The following CELF2 variants were observed in gnomAD, a reference collection of about 807,000 sequenced individuals.
CELF2 encodes CUGBP Elav-like family member 2.
In CELF2, 8 loss-of-function variants were observed where a neutral mutation model predicts 62.6. The observed-to-expected ratio is 0.13, with a 90% CI of 0.07 to 0.23. The LOEUF (loss-of-function observed/expected upper bound fraction) is 0.23. Among genes scored for constraint, CELF2 ranks in the 10% least tolerant of loss-of-function variants. The pLI is 1.00. For synonymous variants in CELF2, 258 were observed against 250.0 expected (o/e 1.03, Z -0.30); for missense variants, 333 against 671.0 (o/e 0.50, Z 5.56).
chr10:10,838,720 G>A lies in CELF2; in HGVS notation c.53+39903G>A, dbSNP rs117393957. Among the ~76,000 whole-genome samples the A allele has an allele frequency of 8.9e-3, 1,352 of 152,234 alleles. 4 individuals carry two copies. Among genetic ancestry groups the A allele is most frequent in the Non-Finnish European group, 0.014 (921 of 68,022 alleles). On this transcript the variant is annotated intron_variant, in intron 1 of 13. Transcript: ENST00000636488. Reference sequence around the variant, plus strand: ...TATATGTCCTTTGACACATTCTCATGTGGGTTTTGTTTTGTTATATTTTGA... The same window carrying A: ...TATATGTCCTTTGACACATTCTCATATGGGTTTTGTTTTGTTATATTTTGA...
At chr10:10,501,325 T>C in the CELF2 span, among the ~76,000 whole-genome samples, 1 of 152,218 alleles carries the variant, frequency 6.6e-6, no homozygotes, top group Non-Finnish European at 1.5e-5. Context: ...GGTAGTTCTT[T>C]GTGGTTTTAA....
chr10:11,119,860 C>A (rs1450300817), intron 1 of CELF2, among the ~76,000 whole-genome samples: 1 of 113,664 alleles, frequency 8.8e-6, no homozygotes, highest in South Asian at 3.3e-4. Flanking sequence ...TGCTTGATTC[C>A]GCCTCCCCCC....
intron 2 of CELF2, among the ~76,000 whole-genome samples, chr10:11,180,174 C>T (rs796238402): frequency 2.0e-5 from 3 of 152,170 alleles, no homozygotes; most frequent in East Asian, 3.8e-4. Flanking sequence ...TTCCTGGTTT[C>T]GGTGAATCTC....
chr10:10,784,496 G>C, the CELF2 span: 2 of 152,434 alleles, frequency 1.3e-5, no homozygotes, highest in Non-Finnish European at 2.9e-5. Flanking sequence ...GAGATGGATG[G>C]GGAGCTGGAA....
chr10:11,152,326 A>G (rs944952932), intron 1 of CELF2, among the ~76,000 whole-genome samples: 3 of 152,224 alleles, frequency 2.0e-5, no homozygotes, highest in Admixed American at 6.5e-5. Context: ...AATGAGGAAT[A>G]TAAGAGCAGT....
At chr10:10,898,945 G>T (rs1017357773) in intron 1 of CELF2, among the ~76,000 whole-genome samples, 1 of 152,154 alleles carries the variant, frequency 6.6e-6, no homozygotes, top group African/African-American at 2.4e-5. Context: ...AAATCAGTAG[G>T]AAATCTCCAA....
chr10:11,213,256 C>A (rs2062405628), intron 2 of CELF2, among the ~76,000 whole-genome samples: 1 of 152,190 alleles, frequency 6.6e-6, no homozygotes, highest in Non-Finnish European at 1.5e-5. Flanking sequence ...TGTGACTACC[C>A]CTTACACCGA....
At chr10:10,682,820 C>G in the CELF2 span, among the ~76,000 whole-genome samples, 1 of 152,032 alleles carries the variant, frequency 6.6e-6, no homozygotes, top group Non-Finnish European at 1.5e-5. Flanking sequence ...TTGTGTTTTC[C>G]CCCAAAACGT....
chr10:10,736,425 T>G, the CELF2 span, among the ~76,000 whole-genome samples: 66 of 147,986 alleles, frequency 4.5e-4, no homozygotes, highest in African/African-American at 1.7e-3. Context: ...CATTTCCTAT[T>G]GGTTTGTATA....
At chr10:11,047,729 A>G (rs1685984200) in intron 1 of CELF2, among the ~76,000 whole-genome samples, 1 of 152,178 alleles carries the variant, frequency 6.6e-6, no homozygotes, top group Non-Finnish European at 1.5e-5. Flanking sequence ...TAGTTCTCTC[A>G]CTACTGAAGA....
chr10:10,940,887 A>G (rs1275207085), intron 2 of CELF2, among the ~76,000 whole-genome samples: 2 of 152,210 alleles, frequency 1.3e-5, no homozygotes, highest in Non-Finnish European at 2.9e-5. Flanking sequence ...TGTAGCAATC[A>G]TGATTTCTAC....
In CELF2 at chr10:11,318,473, A is replaced by T. The variant is rs912628167; in HGVS notation, c.1097-2716A>T. 8 of 339,360 alleles carry T rather than the reference A, an allele frequency of 2.4e-5. No individual in the cohort carries two copies. The highest frequency in any genetic ancestry group is 4.6e-5 in the Non-Finnish European group (8 of 173,558). 21.0% of individuals were successfully genotyped at this position (339,360 alleles called of 1,614,324 possible). On this transcript the variant is annotated intron_variant, in intron 10 of 12. Coordinates refer to ENST00000633077, the MANE Select transcript of CELF2 (RefSeq NM_001326342.2). This position sits in a 1 kb window ranked among gnomAD's most constrained non-coding sequence, Gnocchi z 5.4. ...AGGGCTGGCCACAGCTGTCTCCTAC[A>T]TGCACAGCACCAGCAGAAGTAAACA...
chr10:11,142,481 G>A (rs183109267), intron 1 of CELF2, among the ~76,000 whole-genome samples: 5 of 152,042 alleles, frequency 3.3e-5, no homozygotes, highest in Admixed American at 2.0e-4. Flanking sequence ...TCAGGAGATC[G>A]AGACCATCCT....
intron 4 of CELF2, among the ~76,000 whole-genome samples, chr10:11,253,091 T>C (rs1415711511): frequency 1.3e-5 from 2 of 152,288 alleles, no homozygotes; most frequent in East Asian, 3.9e-4. Context: ...CAGTGAGTGA[T>C]ACAAACAGAA....
At chr10:11,189,685 T>C (rs1385577453) in intron 2 of CELF2, among the ~76,000 whole-genome samples, 3 of 152,240 alleles carry the variant, frequency 2.0e-5, no homozygotes, top group Admixed American at 2.0e-4. Flanking sequence ...ATGAGCTGTT[T>C]TCAGGCAAGA....
the CELF2 span, among the ~76,000 whole-genome samples, chr10:10,518,137 G>A: frequency 0.99 from 150,789 of 152,306 alleles, 74,657 homozygotes; most frequent in East Asian, 1. Context: ...ACCCAGCCCA[G>A]CTTCTACCAT....
chr10:11,171,339 G>A (rs2068801839), intron 2 of CELF2: 1 of 152,252 alleles, frequency 6.6e-6, no homozygotes, highest in African/African-American at 2.4e-5. Context: ...AGGCTGCAGT[G>A]AGGGTTACAC....
At chr10:10,855,241 A>T (rs146422444) in intron 1 of CELF2, among the ~76,000 whole-genome samples, 680 of 151,826 alleles carry the variant, frequency 4.5e-3, no homozygotes, top group Middle Eastern at 0.01. Context: ...TCCTGCCATC[A>T]CTCCCTCCAG....
intron 1 of CELF2, among the ~76,000 whole-genome samples, chr10:11,133,720 G>C (rs978279604): frequency 1.3e-5 from 2 of 152,184 alleles, no homozygotes; most frequent in Non-Finnish European, 2.9e-5. Context: ...AATTCCTGTG[G>C]CGGCCCTTCC....
Sources: allele counts gnomAD v4.1 joint callset (sites outside exome capture counted in the v4.1 genomes callset), GRCh38; gene constraint gnomAD v4.1.1; non-coding constraint Gnocchi (gnomAD v3.1); transcripts MANE v1.5; gene names NCBI Gene and HGNC (gene_info 2026-07-23, HGNC 2026-07-21).